KANK1: variants seen among roughly 807,000 people sequenced by gnomAD.
KANK1 encodes the protein KN motif and ankyrin repeat domain-containing protein 1.
A neutral mutation model predicts 106.2 loss-of-function variants in KANK1; 109 were observed. The ratio of observed to expected loss-of-function variants is 1.03; its 90% CI spans 0.88 to 1.20. The LOEUF is 1.20. Ranked by LOEUF, KANK1 falls within the 50% of genes most tolerant of loss-of-function variation. The pLI is 0.00. For synonymous variants in KANK1, 873 were observed against 652.2 expected, an observed-to-expected ratio of 1.34 and a Z score of -5.16; for missense variants, 2,399 against 1,710.7, an observed-to-expected ratio of 1.40 and a Z score of -7.10.
intron 1 of KANK1, among the ~76,000 whole-genome samples, chr9:542,576 T>C (rs558897326): frequency 9.8e-5 from 15 of 152,332 alleles, no homozygotes; most frequent in African/African-American, 3.6e-4. Flanking sequence ...TCCAAAGGAA[T>C]TGAAATCAAA....
rs765344155 is a variant in KANK1 at position 711,743 on chromosome 9, C to G, written c.977C>G (p.Ala326Gly). 1 of 1,614,168 alleles carries G rather than the reference C, an allele frequency of 6.2e-7. No homozygotes were observed. The highest frequency in any genetic ancestry group is 1.7e-5 in the Admixed American group (1 of 60,028). The change falls in exon 3 of 12, where the codon GCG becomes GGG. Residue 326 changes from alanine to glycine, a missense_variant. Physicochemically the swap from Ala to Gly is moderately conservative, Grantham distance 60. Coordinates refer to ENST00000382297, the MANE Select transcript of KANK1 (RefSeq NM_015158.5). ...GGTGTGAGGAAGCGGTCCTATAGTG[C>G]GGGGAACGCCTCCCAGCTGGAACAG... ...VCGVRKRSYSAGNASQLEQLS... is the reference protein window; with the variant it reads ...VCGVRKRSYSGGNASQLEQLS...
chr9:684,491 G>A (rs1335970371), intron 2 of KANK1: 1 of 985,184 alleles, frequency 1.0e-6, no homozygotes, highest in South Asian at 4.7e-5. Context: ...AAGAGACTGG[G>A]TAGCCAGTCA....
intron 3 of KANK1, among the ~76,000 whole-genome samples, chr9:715,304 G>C (rs1374609895): frequency 3.9e-5 from 6 of 152,142 alleles, no homozygotes; most frequent in Non-Finnish European, 8.8e-5. Flanking sequence ...TGTCTGCTTT[G>C]ACATCCTTTT....
intron 3 of KANK1, among the ~76,000 whole-genome samples, chr9:728,386 C>T (rs1256302515): frequency 6.6e-6 from 1 of 152,118 alleles, no homozygotes; most frequent in Non-Finnish European, 1.5e-5. Flanking sequence ...TTAGTAGAGA[C>T]GGGGTTTCAC....
chr9:477,677 A>G (rs2058129677), intron 3 of KANK1: 1 of 152,290 alleles, frequency 6.6e-6, no homozygotes, highest in Non-Finnish European at 1.5e-5. Context: ...CCAAAAGAAG[A>G]AAAAGACTGT....
intron 1 of KANK1, among the ~76,000 whole-genome samples, chr9:521,241 T>C (rs2059534958): frequency 6.6e-6 from 1 of 151,740 alleles, no homozygotes; most frequent in African/African-American, 2.4e-5. Context: ...GAGATTCTTT[T>C]TGTGGGGGAT....
At chr9:683,024 G>A (rs535380608) in intron 2 of KANK1, among the ~76,000 whole-genome samples, 1 of 152,274 alleles carries the variant, frequency 6.6e-6, no homozygotes, top group East Asian at 1.9e-4. Flanking sequence ...TATAAGACTA[G>A]TTTGCAGTGA....
chr9:701,594 T>C (rs546843661), intron 2 of KANK1, among the ~76,000 whole-genome samples: 2 of 152,238 alleles, frequency 1.3e-5, no homozygotes, highest in Admixed American at 6.5e-5. Flanking sequence ...CTCTACACAC[T>C]AGATTCGGGT....
chr9:546,267 A>G lies in KANK1; in HGVS notation c.-84+41513A>G, dbSNP rs114336252. ...GTTGCCTCCCAGGGAATATTTGGCA[A>G]TATCCGAAGAAATTTATGATTGTTA... On this transcript the variant is annotated intron_variant, in intron 1 of 11. Transcript: ENST00000382297. Among the ~76,000 whole-genome samples, 279 of 152,192 alleles carry G rather than the reference A, an allele frequency of 1.8e-3. 1 individual carries two copies. The highest frequency in any genetic ancestry group is 6.3e-3 in the African/African-American group (263 of 41,550).
chr9:719,608 T>C (rs1022827), intron 3 of KANK1, among the ~76,000 whole-genome samples: 102,263 of 152,126 alleles, frequency 0.67, 35,008 homozygotes, highest in East Asian at 0.78. Flanking sequence ...TATATTTTTT[T>C]AAATTGATTT....
At chr9:600,898 A>T (rs1036026556) in intron 1 of KANK1, among the ~76,000 whole-genome samples, 3 of 151,844 alleles carry the variant, frequency 2.0e-5, no homozygotes, top group Admixed American at 6.6e-5. Flanking sequence ...AAGTTTAGTT[A>T]TCCAAAAGGC....
In KANK1 at chr9:704,521, A is replaced by G. The variant is rs570295975; in HGVS notation, c.38-6283A>G. Among the ~76,000 whole-genome samples the G allele has an allele frequency of 8.2e-4, 125 of 152,230 alleles. 1 individual carries two copies. The highest frequency in any genetic ancestry group is 2.9e-3 in the African/African-American group (120 of 41,514). ...ATGACACTTCTGCTTACAGACTTTT[A>G]TTTGCCCCTATTAGTGTGGAAGGAG... On this transcript the variant is annotated intron_variant, in intron 2 of 11. Transcript: ENST00000382297.
intron 1 of KANK1, among the ~76,000 whole-genome samples, chr9:598,615 G>GTT (rs1306483082): frequency 2.7e-5 from 2 of 73,332 alleles, no homozygotes; most frequent in Non-Finnish European, 5.8e-5. Context: ...TGTTTTGTTG[G>GTT]TTTTCTTTTT....
In KANK1 at chr9:640,903, A is replaced by G. The variant is rs147675130; in HGVS notation, c.-83-35987A>G. 8.9e-3 allele frequency among the ~76,000 whole-genome samples: 1,350 copies of G among 151,498 alleles called. 27 individuals carry two copies. The highest frequency in any genetic ancestry group is 0.03 in the African/African-American group (1,250 of 41,224). On this transcript the variant is annotated intron_variant, in intron 1 of 11. Coordinates refer to ENST00000382297, the MANE Select transcript of KANK1 (RefSeq NM_015158.5). ...AGTAGAGACAGGGTTTCACCATGTTAGCCAGGATGGTCTCGATCTCCTGAC... is the reference window on the plus strand; with the variant it reads ...AGTAGAGACAGGGTTTCACCATGTTGGCCAGGATGGTCTCGATCTCCTGAC...
At chr9:667,982 C>T (rs1845043374) in intron 1 of KANK1, among the ~76,000 whole-genome samples, 1 of 152,174 alleles carries the variant, frequency 6.6e-6, no homozygotes, top group South Asian at 2.1e-4. Flanking sequence ...CCACCCACCT[C>T]AGCCTCCCAA....
At chr9:682,833 A>G (rs2139127546) in intron 2 of KANK1, among the ~76,000 whole-genome samples, 1 of 152,340 alleles carries the variant, frequency 6.6e-6, no homozygotes, top group Non-Finnish European at 1.5e-5. Flanking sequence ...TACAAAGGCC[A>G]CTGATAAGAC....
chr9:564,363 G>T (rs1227631398), intron 1 of KANK1, among the ~76,000 whole-genome samples: 3 of 152,034 alleles, frequency 2.0e-5, no homozygotes, highest in African/African-American at 7.2e-5. Flanking sequence ...TGCCCGGCCA[G>T]AATGCACTTT....
intron 1 of KANK1, among the ~76,000 whole-genome samples, chr9:620,664 C>T (rs1832939671): frequency 1.3e-5 from 2 of 152,042 alleles, no homozygotes; most frequent in Admixed American, 1.3e-4. Flanking sequence ...CTTGGCTTCC[C>T]AGAGTGCTGG....
At chr9:541,072 C>A (rs2060569920) in intron 1 of KANK1, among the ~76,000 whole-genome samples, 1 of 151,862 alleles carries the variant, frequency 6.6e-6, no homozygotes, top group East Asian at 1.9e-4. Flanking sequence ...TGTAAACTTC[C>A]TTGTAGTGCT....
Sources: allele counts gnomAD v4.1 joint callset (sites outside exome capture counted in the v4.1 genomes callset), GRCh38; gene constraint gnomAD v4.1.1; transcripts MANE v1.5; gene names NCBI Gene and HGNC (gene_info 2026-07-23, HGNC 2026-07-21).